The following ADGRD2 variants were observed in gnomAD, a reference collection of about 807,000 sequenced individuals.
The protein encoded by ADGRD2 is G protein-coupled receptor PGR24.
Under a neutral mutation model 44.4 loss-of-function variants are expected in ADGRD2, and 71 were observed. That is an observed-to-expected ratio of 1.60 (90% confidence interval 1.32 to 1.95). The LOEUF is 1.95. Ranked by LOEUF, ADGRD2 falls within the 30% of genes most tolerant of loss-of-function variation. ADGRD2 has a pLI of 0.00. For synonymous variants in ADGRD2, 481 were observed against 224.8 expected (o/e 2.14, Z -10.19); for missense variants, 1,039 against 512.4 (o/e 2.03, Z -9.92).
intron 10 of ADGRD2, among the ~76,000 whole-genome samples, chr9:124,461,287 T>C (rs1481262596): frequency 6.6e-6 from 1 of 152,256 alleles, no homozygotes; most frequent in East Asian, 1.9e-4. Context: ...GATAAGTTTT[T>C]AATTGTGATG....
intron 10 of ADGRD2, among the ~76,000 whole-genome samples, chr9:124,463,209 A>G (rs1242135808): frequency 2.0e-5 from 3 of 151,998 alleles, no homozygotes; most frequent in African/African-American, 7.2e-5. Context: ...TGGCTTTTGA[A>G]TTTTGTCAGA....
At chr9:124,453,433 G>A (rs1417233950) in exon 3 of ADGRD2, 1 of 661,798 alleles carries the variant, frequency 1.5e-6, no homozygotes, top group Middle Eastern at 2.6e-4. Flanking sequence ...GGTGCCGTCC[G>A]GCGGCATCCT....
chr9:124,451,471 C>A (rs1363908576), upstream of ADGRD2: 1 of 349,560 alleles, frequency 2.9e-6, no homozygotes. Flanking sequence ...CCACCCCATC[C>A]TGGGCTTCCA....
chr9:124,473,169 G>A (rs1237597181), intron 17 of ADGRD2, among the ~76,000 whole-genome samples: 1 of 152,162 alleles, frequency 6.6e-6, no homozygotes, highest in African/African-American at 2.4e-5. Flanking sequence ...GTCAGTCTTG[G>A]GCATAAGCTA....
intron 16 of ADGRD2, among the ~76,000 whole-genome samples, 193 bp from the exon 20 acceptor site, chr9:124,470,299 CCT>C (rs1459511675): frequency 1.3e-5 from 2 of 152,220 alleles, no homozygotes; most frequent in African/African-American, 4.8e-5. Context: ...CTTCATGCCA[CCT>C]CTGTCTCTGA....
At chr9:124,469,625 C>A in intron 16 of ADGRD2, 78 bp downstream of exon 19, 1 of 696,404 alleles carries the variant, frequency 1.4e-6, no homozygotes, top group Non-Finnish European at 2.7e-6. Flanking sequence ...GCTCACTGGG[C>A]GAGAGCACGT....
At position 124,453,653 on chromosome 9, in the gene ADGRD2, T is replaced by G. The variant is rs1268497111; in HGVS notation, c.902T>G (p.Val301Gly). Reference sequence around the variant, plus strand: ...GTCACGCCCTCGCTGCTGCCCACTGTGTGGGTGCGCCTTCTCTGTCCCGGT... The same window carrying G: ...GTCACGCCCTCGCTGCTGCCCACTGGGTGGGTGCGCCTTCTCTGTCCCGGT... Residue 301 changes from valine to glycine, a missense_variant, in exon 3 of 22, where the codon GTG becomes GGG. Transcript: ENST00000334810. The G allele has an allele frequency of 1.1e-5, 8 of 700,798 alleles. No individual in the cohort carries two copies. In the East Asian group the frequency reaches 1.6e-4, roughly 14 times the overall value. The allele number at this position is 700,798 out of a possible 1,614,324, so 43.4% of individuals were successfully genotyped here. A position where few individuals can be genotyped will look rare whatever the true frequency, so the allele number is the denominator to read the frequency against.
chr9:124,473,238 G>T (rs1387739404), intron 17 of ADGRD2, among the ~76,000 whole-genome samples: 1 of 152,228 alleles, frequency 6.6e-6, no homozygotes, highest in Non-Finnish European at 1.5e-5. Context: ...TGGGACTCAG[G>T]GATGAGACTC....
In ADGRD2 at chr9:124,454,646, A is replaced by G; in HGVS notation, c.1108+77A>G. ...GCTGCACCTCAGTTTCCTCCCTTGT[A>G]AAGGGGACACCCACCTGGTGTGTCT... is the stretch of plus-strand genomic sequence containing the variant. On this transcript the variant is annotated intron_variant, in intron 5 of 21. Coordinates refer to ENST00000334810, the Ensembl canonical transcript of ADGRD2. The surrounding 1 kb of genome is among the most constrained non-coding windows in gnomAD (Gnocchi z 4.5). 1.5e-6 allele frequency: 1 copy of G among 683,086 alleles called. No homozygotes were observed. The highest frequency in any genetic ancestry group is 2.7e-6 in the Non-Finnish European group (1 of 365,330). The allele number at this position is 683,086 out of a possible 1,614,324, so 42.3% of individuals were successfully genotyped here. A position where few individuals can be genotyped will look rare whatever the true frequency, so the allele number is the denominator to read the frequency against.
At chr9:124,466,540 C>T in intron 11 of ADGRD2, 127 bp downstream of exon 14, 1 of 553,492 alleles carries the variant, frequency 1.8e-6, no homozygotes, top group Admixed American at 3.1e-5. Flanking sequence ...GGGGACAGGG[C>T]TGCATGCAGT....
Position 124,453,346 on chromosome 9 carries a change from C to T in ADGRD2, c.595C>T (p.Gln199Ter), listed in dbSNP as rs1831538879. The T allele has an allele frequency of 1.9e-6, 1 of 516,838 alleles. No homozygotes were observed. Among genetic ancestry groups the T allele is most frequent in the Non-Finnish European group, 3.4e-6 (1 of 298,502 alleles). The allele number at this position is 516,838 out of a possible 1,614,324, so 32.0% of individuals were successfully genotyped here. A position where few individuals can be genotyped will look rare whatever the true frequency, so the allele number is the denominator to read the frequency against. The change falls in exon 3 of 22, where the codon CAG becomes TAG. Residue 199 changes from glutamine (Q) to a stop codon, truncating the protein, a stop_gained. Coordinates refer to ENST00000334810, the Ensembl canonical transcript of ADGRD2. LOFTEE classifies it high-confidence loss of function. ...GCACCATGTGTGCGCCACGTGGGAG[C>T]AGCGGGGCGGGCGCTGGGCGCTGTT...
intron 11 of ADGRD2, chr9:124,467,340 CAAAAAAAAAA>C (rs59651695): frequency 2.6e-4 from 27 of 104,978 alleles, no homozygotes; most frequent in South Asian, 1.3e-3. Flanking sequence ...CTTGAAGCAA[CAAAAAAAAAA>C]AAAAAAAAAA....
At chr9:124,458,367 C>T (rs948280905) in intron 9 of ADGRD2, 131 bp downstream of exon 12, 3 of 631,156 alleles carry the variant, frequency 4.8e-6, no homozygotes, top group Non-Finnish European at 8.6e-6. Context: ...CTGCCCAACA[C>T]ACACACACTT....
intron 17 of ADGRD2, among the ~76,000 whole-genome samples, chr9:124,471,104 G>C (rs112053547): frequency 1.6e-4 from 25 of 152,140 alleles, no homozygotes; most frequent in African/African-American, 5.3e-4. Context: ...CTTGGGGCCT[G>C]TGTGCTAGAA....
At chr9:124,470,509 C>T (rs1296110773) in exon 17 of ADGRD2, 2 of 710,970 alleles carry the variant, frequency 2.8e-6, no homozygotes, top group African/African-American at 1.7e-5. Context: ...CGGTGAAGCC[C>T]GTGCTGGTCC....
intron 3 of ADGRD2, 66 bp downstream of exon 6, chr9:124,453,742 C>G: frequency 1.6e-6 from 1 of 632,482 alleles, no homozygotes; most frequent in Non-Finnish European, 2.9e-6. Context: ...CCCTGGAACT[C>G]GACCCACCCC....
In ADGRD2 at chr9:124,470,477, T is replaced by C. The variant is rs1312741678; in HGVS notation, c.2638-17T>C. On this transcript the variant is annotated splice_polypyrimidine_tract_variant and intron_variant, in intron 16 of 21. Coordinates refer to ENST00000334810, the Ensembl canonical transcript of ADGRD2. ...CAGGCCTCCCAACCCCCGTCAGCCC[T>C]GCCTGCCCTCCTACAGGGCCACGGT... 15 of 706,900 alleles carry C rather than the reference T, an allele frequency of 2.1e-5. No homozygotes were observed. The highest frequency in any genetic ancestry group is 3.4e-5 in the Non-Finnish European group (13 of 383,050). 43.8% of individuals were successfully genotyped at this position (706,900 alleles called of 1,614,324 possible).
At chr9:124,460,088 AC>A (rs1436038717) in intron 10 of ADGRD2, among the ~76,000 whole-genome samples, 1 of 14,516 alleles carries the variant, frequency 6.9e-5, no homozygotes, top group African/African-American at 2.6e-3. Flanking sequence ...AATCTTGGAC[AC>A]ACACACACAC....
At chr9:124,456,473 G>A (rs530202992) in intron 6 of ADGRD2, 149 bp from the exon 10 acceptor site, 1 of 607,814 alleles carries the variant, frequency 1.6e-6, no homozygotes, top group Admixed American at 2.6e-5. Flanking sequence ...GAGGACCCAG[G>A]ACTTGATCCT....
Sources: gnomAD v4.1 joint callset for allele counts (sites outside exome capture counted in the v4.1 genomes callset) on GRCh38, gnomAD v4.1.1 for gene constraint, Gnocchi (gnomAD v3.1) non-coding constraint, MANE v1.5 for transcripts, NCBI Gene and HGNC (gene_info 2026-07-23, HGNC 2026-07-21) for gene names.